Variants in KANK2 observed in about 807,000 individuals in gnomAD.
The protein encoded by KANK2 is KN motif and ankyrin repeat domains 2, also known as KN motif and ankyrin repeat domain-containing protein 2.
Under a neutral mutation model 74.6 loss-of-function variants are expected in KANK2, and 41 were observed. That is an observed-to-expected ratio of 0.55 (90% CI 0.43 to 0.71). The LOEUF is 0.71. Among genes scored for constraint, KANK2 ranks in the 30% least tolerant of loss-of-function variants. The pLI is 0.00. For synonymous variants in KANK2, 537 were observed against 519.0 expected (o/e 1.03, Z -0.47); for missense variants, 1,148 against 1,196.4 (o/e 0.96, Z 0.60).
chr19:11,191,764 A>G (rs1340680213), intron 4 of KANK2, among the ~76,000 whole-genome samples: 1 of 152,208 alleles, frequency 6.6e-6, no homozygotes, highest in Admixed American at 6.5e-5. Context: ...TCCTGATGAT[A>G]TCTGAGCACT....
upstream of KANK2, chr19:11,197,763 C>G (rs1415450147): frequency 1.3e-5 from 2 of 151,576 alleles, no homozygotes; most frequent in Non-Finnish European, 2.9e-5. Flanking sequence ...TCCTTCCTCC[C>G]TAAGTCCCCG....
chr19:11,176,025 C>G, intron 7 of KANK2, 36 bp from the exon 8 acceptor site: 1 of 1,554,184 alleles, frequency 6.4e-7, no homozygotes, highest in South Asian at 1.1e-5. Flanking sequence ...ACTAAGTAAG[C>G]CCCGCTGCGG....
At position 11,170,034 on chromosome 19, in the gene KANK2, G is replaced by C. The variant is rs2078129047; in HGVS notation, c.2412+14C>G. 2.5e-6 allele frequency: 4 copies of C among 1,612,490 alleles called. No individual in the cohort carries two copies. Among genetic ancestry groups the C allele is most frequent in the South Asian group, 1.1e-5 (1 of 91,060 alleles). ...CTCCCGCCCTCCCCGGGGTGCACCT[G>C]GTTGGAGACTCACGCGATCTGTGAG... On this transcript the variant is annotated intron_variant, in intron 11 of 12. Transcript: ENST00000586659. The surrounding 1 kb of genome is among the most constrained non-coding windows in gnomAD (Gnocchi z 5.2).
intron 12 of KANK2, among the ~76,000 whole-genome samples, chr19:11,167,418 T>C (rs2078052924): frequency 6.6e-6 from 1 of 151,778 alleles, no homozygotes; most frequent in African/African-American, 2.4e-5. Flanking sequence ...GGCTGGAGTA[T>C]AGTGGTCCAA....
Position 11,194,736 on chromosome 19 carries a change from G to A in KANK2, c.-79-146C>T, listed in dbSNP as rs8101045. Reference sequence around the variant, plus strand: ...ATAGACGCACACCCAGCCTGGCTGCGGAAGGGCCCCCCCCGACCCCCTCCC... The same window carrying A: ...ATAGACGCACACCCAGCCTGGCTGCAGAAGGGCCCCCCCCGACCCCCTCCC... On this transcript the variant is annotated intron_variant, in intron 2 of 12. Coordinates refer to ENST00000586659, the MANE Select transcript of KANK2 (RefSeq NM_001136191.3). 5,036 of 500,418 alleles carry A rather than the reference G, an allele frequency of 0.01. 211 individuals are homozygous for A. The highest frequency in any genetic ancestry group is 0.089 in the African/African-American group (4,476 of 50,492). The allele number at this position is 500,418 out of a possible 1,614,324, so 31.0% of individuals were successfully genotyped here. A position where few individuals can be genotyped will look rare whatever the true frequency, so the allele number is the denominator to read the frequency against.
At chr19:11,196,972 G>A (rs2079038726) in intron 1 of KANK2, 1 of 152,010 alleles carries the variant, frequency 6.6e-6, no homozygotes, top group Non-Finnish European at 1.5e-5. Context: ...AGAGGGGGCG[G>A]GGCCTGTGGG....
At chr19:11,172,934 A>G in intron 10 of KANK2, 47 bp downstream of exon 10, 1 of 1,594,096 alleles carries the variant, frequency 6.3e-7, no homozygotes, top group Non-Finnish European at 8.6e-7. Context: ...GGGATGTCAT[A>G]AAGTAGGAAG....
Position 11,193,135 on chromosome 19 carries a change from G to C in KANK2, c.945C>G (p.Pro315=). The C allele has an allele frequency of 6.2e-7, 1 of 1,607,354 alleles. No homozygotes were observed. Among genetic ancestry groups the C allele is most frequent in the Non-Finnish European group, 8.5e-7 (1 of 1,176,768 alleles). The change falls in exon 4 of 13, where the codon CCC becomes CCG. Residue 315 remains proline, a synonymous_variant. Transcript: ENST00000586659. The surrounding 1 kb of genome is among the most constrained non-coding windows in gnomAD (Gnocchi z 9.6). The part of the protein sequence containing the change: ...AAQARQADPQ[P]QAWPPPDSPV... Reference sequence around the variant, plus strand: ...GGCTGTCCGGCGGTGGCCAGGCCTGGGGCTGGGGGTCAGCCTGCCGGGCCT... The same window carrying C: ...GGCTGTCCGGCGGTGGCCAGGCCTGCGGCTGGGGGTCAGCCTGCCGGGCCT...
intron 10 of KANK2, among the ~76,000 whole-genome samples, chr19:11,172,299 A>G (rs927562619): frequency 6.6e-6 from 1 of 152,196 alleles, no homozygotes; most frequent in African/African-American, 2.4e-5. Context: ...AAATGAAGCC[A>G]CTAAAAAAAT....
intron 4 of KANK2, among the ~76,000 whole-genome samples, chr19:11,186,320 G>A (rs140097091): frequency 1.9e-4 from 29 of 151,706 alleles, no homozygotes; most frequent in African/African-American, 6.8e-4. Context: ...CCTGGGAGGC[G>A]GAGGTTGCAG....
intron 3 of KANK2, 42 bp from the exon 4 acceptor site, chr19:11,194,084 C>T (rs1230797814): frequency 2.6e-6 from 4 of 1,551,606 alleles, no homozygotes; most frequent in East Asian, 2.3e-5. Context: ...ATCCTCTTGT[C>T]CCCATTCTCA....
At chr19:11,192,515 A>C (rs1600825268) in intron 4 of KANK2, 1 of 350,976 alleles carries the variant, frequency 2.8e-6, no homozygotes, top group Non-Finnish European at 5.6e-6. Context: ...GCTCACTGCA[A>C]CCTCCGCTTC....
rs768551802 is a variant in KANK2 at position 11,170,238 on chromosome 19, G to A, written c.2222C>T (p.Thr741Met). The change falls in exon 11 of 13, where the codon ACG (threonine) becomes ATG (methionine). Residue 741 changes from threonine to methionine, a missense_variant. Thr to Met is a moderately conservative substitution (Grantham distance 81). Coordinates refer to ENST00000586659, the MANE Select transcript of KANK2 (RefSeq NM_001136191.3). This position sits in a 1 kb window ranked among gnomAD's most constrained non-coding sequence, Gnocchi z 5.2. Reference sequence around the variant, plus strand: ...GTGGCTGACGGCCAGCATCAGGGCCGTCTGTCCTGCCTGGGGAGGGCAAGG... The same window carrying A: ...GTGGCTGACGGCCAGCATCAGGGCCATCTGTCCTGCCTGGGGAGGGCAAGG... The part of the protein sequence containing the change: ...INAKASQAGQ[T>M]ALMLAVSHGR... 5 of 1,609,608 alleles carry A rather than the reference G, an allele frequency of 3.1e-6. No individual in the cohort carries two copies. The highest frequency in any genetic ancestry group is 4.2e-6 in the Non-Finnish European group (5 of 1,179,972).
intron 9 of KANK2, 48 bp downstream of exon 9, chr19:11,174,425 G>A (rs752677524): frequency 1.9e-5 from 28 of 1,463,464 alleles, no homozygotes; most frequent in African/African-American, 2.8e-5. Context: ...TGGGCATGGC[G>A]GACAGCTGGC....
At chr19:11,179,484 A>G (rs561886802) in intron 4 of KANK2, among the ~76,000 whole-genome samples, 1 of 150,064 alleles carries the variant, frequency 6.7e-6, no homozygotes, top group East Asian at 2.0e-4. Flanking sequence ...TAAATATACA[A>G]AAATTAGCTG....
rs758641105 is a variant in KANK2, at chr19:11,178,636, C to T, written c.1334G>A (p.Gly445Asp). 7.4e-5 allele frequency: 117 copies of T among 1,589,596 alleles called. 1 individual carries two copies. Among genetic ancestry groups the T allele is most frequent in the Admixed American group, 3.0e-4 (16 of 53,072 alleles). The change falls in exon 5 of 13, where the codon GGC becomes GAC. Residue 445 changes from glycine to aspartate, a missense_variant. By Grantham distance (94) the Gly-to-Asp change is moderately conservative (BLOSUM62 -1). Coordinates refer to ENST00000586659, the MANE Select transcript of KANK2 (RefSeq NM_001136191.3). ...GGTGGGCTCCTGGGTGGGCACTCGG[C>T]CTGTGCTCTTCTCAGGCTGTGTAAG... ...ASLTQPEKST[G>D]RVPTQEPTHR...
chr19:11,177,668 A>G (rs1218281442), intron 6 of KANK2, among the ~76,000 whole-genome samples: 1 of 151,958 alleles, frequency 6.6e-6, no homozygotes, highest in African/African-American at 2.4e-5. Flanking sequence ...AGCCCTTTTA[A>G]CACAGGTGAT....
intron 4 of KANK2, among the ~76,000 whole-genome samples, chr19:11,182,278 GA>G (rs1273568083): frequency 1.3e-5 from 2 of 151,992 alleles, no homozygotes; most frequent in African/African-American, 4.8e-5. Context: ...AAAAATTTGA[GA>G]GGCTGAGGCA....
intron 12 of KANK2, among the ~76,000 whole-genome samples, chr19:11,167,653 G>A (rs1335989938): frequency 5.3e-5 from 8 of 151,620 alleles, no homozygotes; most frequent in African/African-American, 9.7e-5. Context: ...TCAGCCTCCC[G>A]AGTATCTGGG....
Sources: gnomAD v4.1 joint callset for allele counts (sites outside exome capture counted in the v4.1 genomes callset) on GRCh38, gnomAD v4.1.1 for gene constraint, Gnocchi (gnomAD v3.1) non-coding constraint, MANE v1.5 for transcripts, NCBI Gene and HGNC (gene_info 2026-07-23, HGNC 2026-07-21) for gene names.